The following CLHC1 variants were observed in gnomAD, a reference collection of about 807,000 sequenced individuals.
CLHC1 encodes clathrin heavy chain linker domain containing 1.
CLHC1 carries 72 observed loss-of-function variants against 69.5 expected under a neutral mutation model. The observed-to-expected ratio is 1.04, with a 90% CI of 0.86 to 1.26. The LOEUF is 1.26. Ranked by LOEUF, CLHC1 falls within the 50% of genes most tolerant of loss-of-function variation. The probability of loss-of-function intolerance (pLI) is 0.00; values close to 1 mark genes in which losing one functional copy is unlikely to be tolerated. For synonymous variants in CLHC1, 223 were observed against 224.3 expected (o/e 0.99, Z 0.05); for missense variants, 790 against 679.3 (o/e 1.16, Z -1.81).
At chr2:55,190,072 T>A (rs537995839) in intron 9 of CLHC1, among the ~76,000 whole-genome samples, 1 of 151,874 alleles carries the variant, frequency 6.6e-6, no homozygotes, top group East Asian at 1.9e-4. Context: ...TGAGACGGAG[T>A]CTCACTCTGT....
At chr2:55,199,476 G>A (rs1671738815) in intron 9 of CLHC1, among the ~76,000 whole-genome samples, 1 of 151,998 alleles carries the variant, frequency 6.6e-6, no homozygotes, top group African/African-American at 2.4e-5. Flanking sequence ...ATCTTAAGTA[G>A]AAAGGCTAAA....
chr2:55,222,869 G>A (rs568870431), intron 2 of CLHC1, among the ~76,000 whole-genome samples: 3 of 141,904 alleles, frequency 2.1e-5, no homozygotes, highest in Non-Finnish European at 3.0e-5. Context: ...GCGGTGAGCC[G>A]AGATCGCGCC....
At chr2:55,198,931 C>A (rs910570212) in intron 9 of CLHC1, among the ~76,000 whole-genome samples, 2 of 151,996 alleles carry the variant, frequency 1.3e-5, no homozygotes, top group Non-Finnish European at 2.9e-5. Flanking sequence ...CCTTCAAACA[C>A]GAAGGAGAAA....
At chr2:55,218,908 G>A (rs1426377576) in intron 3 of CLHC1, among the ~76,000 whole-genome samples, 2 of 152,078 alleles carry the variant, frequency 1.3e-5, no homozygotes, top group Admixed American at 1.3e-4. Flanking sequence ...TACATCTCTA[G>A]CCTCTGGTAT....
At chr2:55,216,661 G>C (rs1015822210) in intron 4 of CLHC1, among the ~76,000 whole-genome samples, 2 of 151,618 alleles carry the variant, frequency 1.3e-5, no homozygotes, top group African/African-American at 4.8e-5. Context: ...AGCCTTCCAA[G>C]CAACTGGGAC....
chr2:55,211,317 C>T (rs1412064544), intron 5 of CLHC1, among the ~76,000 whole-genome samples: 7 of 151,786 alleles, frequency 4.6e-5, no homozygotes, highest in Non-Finnish European at 8.8e-5. Context: ...ATGGCTAACA[C>T]GGTGAAACCC....
intron 5 of CLHC1, among the ~76,000 whole-genome samples, chr2:55,210,661 C>G (rs1434409900): frequency 2.0e-5 from 3 of 152,214 alleles, no homozygotes; most frequent in African/African-American, 7.2e-5. Context: ...CCTAACAATT[C>G]AGGATTTGTC....
chr2:55,194,914 CT>C (rs780428354), intron 9 of CLHC1, among the ~76,000 whole-genome samples: 108 of 149,312 alleles, frequency 7.2e-4, no homozygotes, highest in Non-Finnish European at 1.0e-3. Flanking sequence ...CTCTTAGCAA[CT>C]TTTTTTTTTC....
chr2:55,192,710 C>A (rs1167732581), intron 9 of CLHC1, among the ~76,000 whole-genome samples: 2 of 151,900 alleles, frequency 1.3e-5, no homozygotes, highest in East Asian at 3.9e-4. Context: ...ACAAAGAGGT[C>A]AAAATTCAAT....
chr2:55,210,254 T>C (rs1409639545), intron 5 of CLHC1, among the ~76,000 whole-genome samples: 1 of 152,036 alleles, frequency 6.6e-6, no homozygotes, highest in Non-Finnish European at 1.5e-5. Context: ...TGGAGTGCAG[T>C]GGTGCAATCT....
chr2:55,199,713 T>A (rs1671759451), intron 9 of CLHC1, among the ~76,000 whole-genome samples: 1 of 152,060 alleles, frequency 6.6e-6, no homozygotes, highest in Non-Finnish European at 1.5e-5. Flanking sequence ...AGTCTCATGA[T>A]AACCTCAAAT....
chr2:55,209,368 A>G (rs554061282), intron 7 of CLHC1, 36 bp downstream of exon 7: 2 of 1,326,266 alleles, frequency 1.5e-6, no homozygotes, highest in Non-Finnish European at 2.1e-6. Flanking sequence ...AATGTCTTCC[A>G]TTATTGGTAC....
chr2:55,197,967 A>C (rs1460625286), intron 9 of CLHC1, among the ~76,000 whole-genome samples: 1 of 152,186 alleles, frequency 6.6e-6, no homozygotes, highest in African/African-American at 2.4e-5. Flanking sequence ...ACAGAGAAGG[A>C]ATCCAGAATC....
rs375412582 is a variant in CLHC1 at position 55,176,059 on chromosome 2, T to C, written c.1565-73A>G. On this transcript the variant is annotated intron_variant, in intron 12 of 12. Coordinates refer to ENST00000401408, the MANE Select transcript of CLHC1 (RefSeq NM_152385.4). ...CTATACTTTAGTGATTCTTCAAAAA[T>C]AGAAAAGGACATAATTTCAACTCAG... 1,366 of 1,250,806 alleles carry C rather than the reference T, an allele frequency of 1.1e-3. 6 individuals are homozygous for C. The highest frequency in any genetic ancestry group is 3.6e-3 in the Middle Eastern group (18 of 5,048). The allele number at this position is 1,250,806 out of a possible 1,614,324, so 77.5% of individuals were successfully genotyped here.
intron 3 of CLHC1, among the ~76,000 whole-genome samples, chr2:55,219,235 G>C (rs1673878004): frequency 6.6e-6 from 1 of 152,122 alleles, no homozygotes; most frequent in African/African-American, 2.4e-5. Context: ...TTAATGAGTA[G>C]GTAATAAATA....
chr2:55,184,912 A>T (rs1670278421), intron 9 of CLHC1, among the ~76,000 whole-genome samples: 1 of 124,722 alleles, frequency 8.0e-6, no homozygotes, highest in Non-Finnish European at 1.6e-5. Context: ...CTCAAAAAAA[A>T]AAACAAAACA....
intron 2 of CLHC1, chr2:55,224,438 G>A (rs1267637872): frequency 7.1e-5 from 30 of 421,926 alleles, no homozygotes; most frequent in South Asian, 5.3e-4. Flanking sequence ...CTTCACCTCC[G>A]ACAATGTCAG....
chr2:55,189,765 T>G (rs776886101), intron 9 of CLHC1, among the ~76,000 whole-genome samples: 2 of 152,190 alleles, frequency 1.3e-5, no homozygotes, highest in Non-Finnish European at 2.9e-5. Context: ...GGAAGCTACC[T>G]AAGGCCAGGG....
rs1311050707 is a variant in CLHC1 at position 55,180,689 on chromosome 2, C to T, written c.1205G>A (p.Gly402Glu). The change falls in exon 11 of 13, where the codon GGG becomes GAG. Residue 402 changes from glycine to glutamate, a missense_variant. By Grantham distance (98) the Gly-to-Glu change is moderately conservative. Transcript: ENST00000401408. ...QERLTFSEEA[G>E]DVICDYGEQD... ...CTCCCCATAATCACAAATCACATCC[C>T]CAGCCTCCTCAGAAAATGTCAGTCT... 1 of 1,613,884 alleles carries T rather than the reference C, an allele frequency of 6.2e-7. No individual in the cohort carries two copies. The highest frequency in any genetic ancestry group is 8.5e-7 in the Non-Finnish European group (1 of 1,179,970).
Sources: gnomAD v4.1 joint callset for allele counts (sites outside exome capture counted in the v4.1 genomes callset) on GRCh38, gnomAD v4.1.1 for gene constraint, MANE v1.5 for transcripts, NCBI Gene and HGNC (gene_info 2026-07-23, HGNC 2026-07-21) for gene names.